The following DPP6 variants were observed in gnomAD, a reference collection of about 807,000 sequenced individuals.
The protein encoded by DPP6 is A-type potassium channel modulatory protein DPP6.
A neutral mutation model predicts 122.6 loss-of-function variants in DPP6; 69 were observed. The observed-to-expected ratio is 0.56, with a 90% confidence interval of 0.46 to 0.69. The LOEUF (loss-of-function observed/expected upper bound fraction) is 0.69. Ranked by LOEUF, DPP6 falls within the 30% of genes least tolerant of loss-of-function variation. The probability of loss-of-function intolerance (pLI) is 0.00; values close to 1 mark genes in which losing one functional copy is unlikely to be tolerated. For synonymous variants in DPP6, 418 were observed against 433.1 expected (o/e 0.97, Z 0.43); for missense variants, 928 against 1,116.9 (o/e 0.83, Z 2.41).
intron 1 of DPP6, among the ~76,000 whole-genome samples, chr7:153,925,599 G>A (rs1008832589): frequency 1.3e-5 from 2 of 150,734 alleles, no homozygotes; most frequent in Non-Finnish European, 3.0e-5. Context: ...TCTGATAATG[G>A]GAGATCATCC....
At chr7:153,924,109 T>G (rs1388248600) in intron 1 of DPP6, among the ~76,000 whole-genome samples, 2 of 151,452 alleles carry the variant, frequency 1.3e-5, no homozygotes, top group African/African-American at 2.4e-5. Context: ...GTAATGTGTA[T>G]TATTGAGGAT....
rs373296515 is a variant in DPP6, at chr7:154,803,828, G to A, written c.1408-36G>A. ...AGAGCCATGCTGGGGCCGGGACACCGGTGTCTGCTCCTGATGCCATGTCTG... is the reference window on the plus strand; with the variant it reads ...AGAGCCATGCTGGGGCCGGGACACCAGTGTCTGCTCCTGATGCCATGTCTG... On this transcript the variant is annotated intron_variant, in intron 13 of 25. Transcript: ENST00000377770. The A allele has an allele frequency of 2.7e-5, 43 of 1,601,858 alleles. 1 individual carries two copies. The African/African-American group carries it at 3.9e-4, about 14-fold the overall frequency.
In DPP6 at chr7:154,769,411, C is replaced by G. The variant is rs759201043; in HGVS notation, c.884-6C>G. The G allele has an allele frequency of 5.6e-6, 9 of 1,613,390 alleles. No homozygotes were observed. The Admixed American group carries it at 1.5e-4, about 27-fold the overall frequency. On this transcript the variant is annotated splice_polypyrimidine_tract_variant and splice_region_variant and intron_variant, in intron 8 of 25. Coordinates refer to ENST00000377770, the MANE Select transcript of DPP6 (RefSeq NM_130797.4). ...ATTCACATTTCTCTACTCTGTTTTCCCTTAGAGGAGATTTTGAAGACACAC... is the reference window on the plus strand; with the variant it reads ...ATTCACATTTCTCTACTCTGTTTTCGCTTAGAGGAGATTTTGAAGACACAC...
At chr7:153,925,695 C>T (rs1053057219) in intron 1 of DPP6, among the ~76,000 whole-genome samples, 2 of 152,174 alleles carry the variant, frequency 1.3e-5, no homozygotes, top group African/African-American at 4.8e-5. Flanking sequence ...GAAGGGAGAT[C>T]ATCCCACATG....
At chr7:154,207,996 A>G (rs1180562926) in intron 1 of DPP6, among the ~76,000 whole-genome samples, 1 of 152,070 alleles carries the variant, frequency 6.6e-6, no homozygotes, top group Non-Finnish European at 1.5e-5. Context: ...CCCGTTTTTT[A>G]CATGTAATTG....
At chr7:154,254,977 A>G (rs370133849) in intron 1 of DPP6, among the ~76,000 whole-genome samples, 21 of 152,272 alleles carry the variant, frequency 1.4e-4, no homozygotes, top group East Asian at 1.2e-3. Flanking sequence ...AAATTTGCAA[A>G]TTTTCCTTTT....
intron 1 of DPP6, among the ~76,000 whole-genome samples, chr7:154,331,802 T>C (rs746839758): frequency 2.0e-4 from 31 of 152,160 alleles, no homozygotes; most frequent in Non-Finnish European, 2.8e-4. Flanking sequence ...ACAGCCACTT[T>C]TTCAGGGTCG....
At chr7:154,090,939 T>C (rs1585354375) in intron 1 of DPP6, among the ~76,000 whole-genome samples, 1 of 148,750 alleles carries the variant, frequency 6.7e-6, no homozygotes, top group Admixed American at 6.7e-5. Flanking sequence ...GCTAACACAG[T>C]GAAACCCCGT....
chr7:154,415,646 A>G (rs980460491), intron 1 of DPP6, among the ~76,000 whole-genome samples: 1 of 151,396 alleles, frequency 6.6e-6, no homozygotes, highest in Non-Finnish European at 1.5e-5. Flanking sequence ...AGTATGATGT[A>G]GGTTAAATTT....
chr7:154,882,525 T>C (rs1371849774), intron 21 of DPP6, among the ~76,000 whole-genome samples: 5 of 152,210 alleles, frequency 3.3e-5, no homozygotes, highest in Non-Finnish European at 5.9e-5. Context: ...TCCTCGCATG[T>C]GCCCCAGTGA....
rs577240027 is a variant in DPP6, at chr7:153,973,601, C to T, written c.51+85867C>T. ...AGGGGTGGGAGTCTGGTGGGGAATC[C>T]GGCACTTAGAGTAACGTGTTCACCA... On this transcript the variant is annotated intron_variant, in intron 1 of 25. Transcript: ENST00000404039. 1.7e-4 allele frequency among the ~76,000 whole-genome samples: 25 copies of T among 149,712 alleles called. 1 individual carries two copies. The highest frequency in any genetic ancestry group is 1.6e-3 in the Admixed American group (24 of 15,010).
intron 23 of DPP6, among the ~76,000 whole-genome samples, chr7:154,888,580 A>G (rs563289013): frequency 6.6e-6 from 1 of 152,348 alleles, no homozygotes; most frequent in South Asian, 2.1e-4. Context: ...GAGTCCAACC[A>G]GGGAGTCAGC....
chr7:154,462,702 A>T (rs1249311414), intron 2 of DPP6, among the ~76,000 whole-genome samples: 1 of 152,062 alleles, frequency 6.6e-6, no homozygotes, highest in East Asian at 1.9e-4. Flanking sequence ...CACAACGTGC[A>T]GGTTTGTTAC....
chr7:154,087,374 G>A (rs889565507), intron 1 of DPP6, among the ~76,000 whole-genome samples: 3 of 152,182 alleles, frequency 2.0e-5, no homozygotes, highest in Non-Finnish European at 4.4e-5. Context: ...AGTAATGGGA[G>A]CTGAACTGTG....
intron 22 of DPP6, 91 bp downstream of exon 22, chr7:154,885,835 C>G: frequency 6.7e-7 from 1 of 1,503,514 alleles, no homozygotes; most frequent in Non-Finnish European, 8.9e-7. Context: ...CCTTCAGCAC[C>G]ACCGTCCCGC....
intron 3 of DPP6, among the ~76,000 whole-genome samples, chr7:154,502,059 AT>A (rs1825298743): frequency 6.6e-6 from 1 of 152,152 alleles, no homozygotes; most frequent in Non-Finnish European, 1.5e-5. Context: ...GCCCTGCTAG[AT>A]TTTGGACTTG....
rs140872959 is a variant in DPP6 at position 154,235,535 on chromosome 7, G to A, written c.243+182472G>A. Among the ~76,000 whole-genome samples the A allele has an allele frequency of 6.9e-4, 99 of 143,264 alleles. 6 individuals are homozygous for A. In the South Asian group the frequency reaches 0.02, roughly 29 times the overall value. 94.0% of individuals were successfully genotyped at this position (143,264 alleles called of 152,430 possible). ...CCAACTCTAAGTGATAATTAAAAGC[G>A]TGAGCTTTGAATTTAATCAGCACTT... is the stretch of plus-strand genomic sequence containing the variant. On this transcript the variant is annotated intron_variant, in intron 1 of 25. Transcript: ENST00000377770.
intron 1 of DPP6, among the ~76,000 whole-genome samples, chr7:154,147,612 T>G (rs1796171663): frequency 6.6e-6 from 1 of 151,906 alleles, no homozygotes; most frequent in Non-Finnish European, 1.5e-5. Context: ...CCTGAGTAGC[T>G]GGGATTACAG....
chr7:154,688,333 T>G (rs1446250600), intron 7 of DPP6, among the ~76,000 whole-genome samples: 3 of 152,230 alleles, frequency 2.0e-5, no homozygotes, highest in Admixed American at 6.5e-5. Flanking sequence ...CCAGTTTATT[T>G]ACTTAAAAAA....
Sources: allele counts gnomAD v4.1 joint callset (sites outside exome capture counted in the v4.1 genomes callset), GRCh38; gene constraint gnomAD v4.1.1; transcripts MANE v1.5; gene names NCBI Gene and HGNC (gene_info 2026-07-23, HGNC 2026-07-21).